REPS1: variants seen among roughly 807,000 people sequenced by gnomAD.
The protein encoded by REPS1 is ralBP1-associated Eps domain-containing protein 1.
Under a neutral mutation model 100.9 loss-of-function variants are expected in REPS1, and 39 were observed. That is an observed-to-expected ratio of 0.39 (90% CI 0.30 to 0.50). The LOEUF (loss-of-function observed/expected upper bound fraction) is 0.50. REPS1 is among the 20% of genes least tolerant of loss of function. The pLI, the probability that REPS1 is intolerant of heterozygous loss-of-function variation, is 0.86. For synonymous variants in REPS1, 324 were observed against 340.3 expected (o/e 0.95, Z 0.53); for missense variants, 821 against 968.5 (o/e 0.85, Z 2.02).
At chr6:138,924,618 C>G (rs1780984378) in intron 10 of REPS1, among the ~76,000 whole-genome samples, 1 of 152,138 alleles carries the variant, frequency 6.6e-6, no homozygotes, top group Non-Finnish European at 1.5e-5. Flanking sequence ...TACATCTAAC[C>G]TTCCTTCCCA....
Position 138,908,816 on chromosome 6 carries a change from T to C in REPS1, c.2068A>G (p.Ser690Gly), listed in dbSNP as rs1368719807. Residue 690 changes from serine (S) to glycine (G), a missense_variant and splice_region_variant, in exon 18 of 20, where the codon AGC becomes GGC. By Grantham distance (56) the Ser-to-Gly change is moderately conservative (BLOSUM62 0). Around this residue, in one of 3 missense-constraint regions of REPS1, gnomAD observed 757 missense variants for 866.4 expected, o/e 0.87. Coordinates refer to ENST00000450536, the MANE Select transcript of REPS1 (RefSeq NM_001286611.2). ...GGAGCAAGTGGTGTTGTGCCTTTGCTCTTTAAGACAAGAATTCCATTAATA... is the reference window on the plus strand; with the variant it reads ...GGAGCAAGTGGTGTTGTGCCTTTGCCCTTTAAGACAAGAATTCCATTAATA... ...KTAASAPANV[S>G]KGTTPLAPPP... 3.1e-6 allele frequency: 5 copies of C among 1,611,776 alleles called. No individual in the cohort carries two copies. The highest frequency in any genetic ancestry group is 1.7e-4 in the Middle Eastern group (1 of 6,050).
intron 4 of REPS1, among the ~76,000 whole-genome samples, chr6:138,944,974 T>C (rs1259080476): frequency 1.3e-5 from 2 of 152,226 alleles, no homozygotes; most frequent in Non-Finnish European, 2.9e-5. Context: ...TTTGCTTCTA[T>C]TTAACTTAAA....
rs2128476009 is a variant in REPS1, at chr6:138,945,713, T to C, written c.278-16A>G. ...AGGTCCTTTACTGTTAACCACAAAA[T>C]AATCATTACTTCAAAATAAAAAAGG... On this transcript the variant is annotated splice_polypyrimidine_tract_variant and intron_variant, in intron 2 of 19. Transcript: ENST00000450536. 3 of 1,511,318 alleles carry C rather than the reference T, an allele frequency of 2.0e-6. No homozygotes were observed. In the East Asian group the frequency reaches 7.1e-5, roughly 36 times the overall value. 93.6% of individuals were successfully genotyped at this position (1,511,318 alleles called of 1,614,324 possible).
chr6:138,961,295 G>A (rs1393429257), intron 1 of REPS1, among the ~76,000 whole-genome samples: 2 of 152,108 alleles, frequency 1.3e-5, no homozygotes, highest in Non-Finnish European at 2.9e-5. Context: ...GGAGTGCAGT[G>A]GCACGATCTC....
intron 1 of REPS1, among the ~76,000 whole-genome samples, chr6:138,974,066 G>A (rs758228823): frequency 6.6e-6 from 1 of 152,024 alleles, no homozygotes; most frequent in South Asian, 2.1e-4. Context: ...AGTGCCCTAG[G>A]TACATACCCT....
At chr6:138,977,477 AT>A (rs1331645419) in intron 1 of REPS1, among the ~76,000 whole-genome samples, 1 of 152,218 alleles carries the variant, frequency 6.6e-6, no homozygotes, top group Non-Finnish European at 1.5e-5. Context: ...CTTCAATGAT[AT>A]GCGGGTGCCA....
chr6:138,934,290 G>A (rs900576905), intron 8 of REPS1: 8 of 469,992 alleles, frequency 1.7e-5, no homozygotes, highest in Non-Finnish European at 3.1e-5. Context: ...CCTCCTGTGG[G>A]TTCTGCTCTG....
Position 138,961,348 on chromosome 6 carries a change from C to T in REPS1, c.154-13435G>A, listed in dbSNP as rs374479710. On this transcript the variant is annotated intron_variant, in intron 1 of 19. Transcript: ENST00000450536. ...ACCTCCCGGGTTCACGTCATTCTCC[C>T]GCCTCAGCCTCCCTAGTAGCTGGGA... 9.2e-5 allele frequency among the ~76,000 whole-genome samples: 14 copies of T among 152,148 alleles called. No individual in the cohort carries two copies. The South Asian group carries it at 1.5e-3, about 16-fold the overall frequency.
At chr6:138,962,993 G>A (rs1024136477) in intron 1 of REPS1, among the ~76,000 whole-genome samples, 2 of 152,074 alleles carry the variant, frequency 1.3e-5, no homozygotes, top group African/African-American at 4.8e-5. Flanking sequence ...AAACTTCTAA[G>A]TTCAGCATTC....
At chr6:138,973,083 A>C (rs1582852699) in intron 1 of REPS1, among the ~76,000 whole-genome samples, 1 of 152,336 alleles carries the variant, frequency 6.6e-6, no homozygotes, top group East Asian at 1.9e-4. Flanking sequence ...CTATCAAGGG[A>C]AACAGATACA....
chr6:138,987,882 G>T lies in REPS1; in HGVS notation c.-200C>A. The T allele has an allele frequency of 2.1e-6, 1 of 486,076 alleles. No homozygotes were observed. The highest frequency in any genetic ancestry group is 3.2e-6 in the Non-Finnish European group (1 of 312,434). 30.1% of individuals were successfully genotyped at this position (486,076 alleles called of 1,614,324 possible). ...AGGAGGGGGCCCGGCTGCGCTCGCCGCGCCGCTGCCTGCGAGGCCCGGCGC... is the reference window on the plus strand; with the variant it reads ...AGGAGGGGGCCCGGCTGCGCTCGCCTCGCCGCTGCCTGCGAGGCCCGGCGC... On this transcript the variant is annotated 5_prime_UTR_variant, in exon 1 of 20. Transcript: ENST00000450536.
At chr6:138,923,350 C>T (rs533692442) in intron 10 of REPS1, among the ~76,000 whole-genome samples, 8 of 152,184 alleles carry the variant, frequency 5.3e-5, no homozygotes, top group African/African-American at 1.9e-4. Flanking sequence ...GAAAATAAGT[C>T]TTATTCCAAA....
At chr6:138,929,772 A>C (rs1781370600) in intron 9 of REPS1, 2 of 426,220 alleles carry the variant, frequency 4.7e-6, no homozygotes, top group African/African-American at 4.0e-5. Context: ...TTTAATGGGG[A>C]TAAGTGGTGG....
intron 8 of REPS1, among the ~76,000 whole-genome samples, chr6:138,938,286 C>A (rs1293414369): frequency 6.6e-6 from 1 of 152,154 alleles, no homozygotes; most frequent in Non-Finnish European, 1.5e-5. Flanking sequence ...TTTACCCCAA[C>A]CATGTTTGCA....
chr6:138,967,906 A>C (rs1486182011), intron 1 of REPS1, among the ~76,000 whole-genome samples: 1 of 152,206 alleles, frequency 6.6e-6, no homozygotes, highest in Non-Finnish European at 1.5e-5. Context: ...TTTATTCCCC[A>C]AACACAGGAA....
intron 1 of REPS1, among the ~76,000 whole-genome samples, chr6:138,983,183 C>T (rs1384342021): frequency 1.3e-5 from 2 of 152,098 alleles, no homozygotes; most frequent in African/African-American, 4.8e-5. Context: ...TCTTAGTGAA[C>T]AAGAATAAGC....
At position 138,927,914 on chromosome 6, in the gene REPS1, CT is replaced by C. The variant is rs1219738761; in HGVS notation, c.1258-1434del. 4 of 152,304 alleles carry C rather than the reference CT, an allele frequency of 2.6e-5. No homozygotes were observed. In the East Asian group the frequency reaches 7.7e-4, roughly 29 times the overall value. 9.4% of individuals were successfully genotyped at this position (152,304 alleles called of 1,614,324 possible). A position where few individuals can be genotyped will look rare whatever the true frequency, so the allele number is the denominator to read the frequency against. Reference sequence around the variant, plus strand: ...AAGGAAGTTTTAAAATCCTAATTAACTAACTGTGGAGAAAAGTTTACAGAAG... The same window carrying C: ...AAGGAAGTTTTAAAATCCTAATTAACAACTGTGGAGAAAAGTTTACAGAAG... On this transcript the variant is annotated intron_variant, in intron 9 of 19. Transcript: ENST00000450536.
At chr6:138,920,413 G>T in intron 11 of REPS1, 97 bp from the exon 12 acceptor site, 1 of 524,894 alleles carries the variant, frequency 1.9e-6, no homozygotes. Flanking sequence ...AATATCCAAA[G>T]AAGTGGCAGG....
intron 1 of REPS1, among the ~76,000 whole-genome samples, chr6:138,982,640 T>C (rs1343247214): frequency 6.6e-6 from 1 of 152,238 alleles, no homozygotes; most frequent in Non-Finnish European, 1.5e-5. Flanking sequence ...AAATTCCTCA[T>C]GATTAAATCC....
Sources: allele counts gnomAD v4.1 joint callset (sites outside exome capture counted in the v4.1 genomes callset), GRCh38; gene constraint gnomAD v4.1.1; regional missense constraint gnomAD v4.1.1; transcripts MANE v1.5; gene names NCBI Gene and HGNC (gene_info 2026-07-23, HGNC 2026-07-21).